Variants in PTPRN2 observed in about 807,000 individuals in gnomAD.
PTPRN2 encodes receptor-type tyrosine-protein phosphatase N2.
A neutral mutation model predicts 118.8 loss-of-function variants in PTPRN2; 74 were observed. That is an observed-to-expected ratio of 0.62 (90% CI 0.52 to 0.76). The LOEUF is 0.76. Ranked by LOEUF, PTPRN2 falls within the 30% of genes least tolerant of loss-of-function variation. The pLI is 0.00. For missense variants in PTPRN2, 1,481 were observed against 1,394.4 expected (o/e 1.06, Z -0.99); for synonymous variants, 641 against 608.0 (o/e 1.05, Z -0.80).
intron 3 of PTPRN2, among the ~76,000 whole-genome samples, chr7:158,311,150 C>T (rs1353099375): frequency 6.6e-6 from 1 of 152,212 alleles, no homozygotes; most frequent in Non-Finnish European, 1.5e-5. Flanking sequence ...CTGACCTGTG[C>T]CGGCAAGCAC....
intron 15 of PTPRN2, among the ~76,000 whole-genome samples, chr7:157,607,542 G>A (rs1348222758): frequency 3.3e-5 from 5 of 152,236 alleles, no homozygotes; most frequent in Admixed American, 3.3e-4. Flanking sequence ...GGAGCCCTCA[G>A]GCTTTTGACC....
rs527515874 is a variant in PTPRN2 at position 157,657,140 on chromosome 7, CCA to C, written c.2002-591_2002-590del. 2.5e-3 allele frequency among the ~76,000 whole-genome samples: 293 copies of C among 117,562 alleles called. 11 individuals are homozygous for C. The highest frequency in any genetic ancestry group is 6.3e-3 in the Middle Eastern group (1 of 158). The allele number at this position is 117,562 out of a possible 152,430, so 77.1% of individuals were successfully genotyped here. A position where few individuals can be genotyped will look rare whatever the true frequency, so the allele number is the denominator to read the frequency against. On this transcript the variant is annotated intron_variant, in intron 13 of 22. Transcript: ENST00000389418. ...CATCACACATATACACACACATACG[CCA>C]CACACACACACCACACACATCACAT...
At chr7:157,768,580 A>G (rs1396431010) in intron 12 of PTPRN2, among the ~76,000 whole-genome samples, 1 of 152,166 alleles carries the variant, frequency 6.6e-6, no homozygotes, top group East Asian at 1.9e-4. Context: ...GGGGGCTGCG[A>G]CGCCCCAGCC....
At chr7:158,344,922 C>A (rs183020602) in intron 2 of PTPRN2, among the ~76,000 whole-genome samples, 1 of 152,166 alleles carries the variant, frequency 6.6e-6, no homozygotes, top group Non-Finnish European at 1.5e-5. Flanking sequence ...AGGTGAGAAC[C>A]CAGAAGCTGA....
intron 21 of PTPRN2, among the ~76,000 whole-genome samples, chr7:157,559,756 A>C (rs1799084561): frequency 6.6e-6 from 1 of 152,108 alleles, no homozygotes; most frequent in South Asian, 2.1e-4. Flanking sequence ...TTGAACAGAA[A>C]CATGTGGACT....
At chr7:158,346,185 G>C (rs958401797) in intron 2 of PTPRN2, among the ~76,000 whole-genome samples, 1 of 152,186 alleles carries the variant, frequency 6.6e-6, no homozygotes, top group Non-Finnish European at 1.5e-5. Context: ...TGTTCTCTCA[G>C]CAGTTTTGAG....
In PTPRN2 at chr7:158,135,870, C is replaced by G. The variant is rs567854944; in HGVS notation, c.1173+785G>C. 5.3e-5 allele frequency among the ~76,000 whole-genome samples: 8 copies of G among 152,342 alleles called. No individual in the cohort carries two copies. The East Asian group carries it at 1.4e-3, about 26-fold the overall frequency. ...ACCAAAGACTCTTCTTTCTCCACCC[C>G]CAAAACTGGGTTTCCCAGAACCATG... is the stretch of plus-strand genomic sequence containing the variant. On this transcript the variant is annotated intron_variant, in intron 8 of 22. Coordinates refer to ENST00000389418, the MANE Select transcript of PTPRN2 (RefSeq NM_002847.5).
chr7:158,345,374 G>A (rs1270986438), intron 2 of PTPRN2, among the ~76,000 whole-genome samples: 1 of 152,238 alleles, frequency 6.6e-6, no homozygotes. Context: ...TCTGGAGACA[G>A]CGTGTTCTTA....
intron 12 of PTPRN2, among the ~76,000 whole-genome samples, chr7:157,822,405 A>G (rs1806902290): frequency 6.6e-6 from 1 of 151,270 alleles, no homozygotes; most frequent in South Asian, 2.1e-4. Flanking sequence ...TATACTATCC[A>G]TTAACTATCC....
Position 158,171,793 on chromosome 7 carries a change from T to C in PTPRN2, c.550-4502A>G, listed in dbSNP as rs147892625. 3.9e-4 allele frequency among the ~76,000 whole-genome samples: 60 copies of C among 152,350 alleles called. No individual in the cohort carries two copies. In the East Asian group the frequency reaches 0.011, roughly 27 times the overall value. On this transcript the variant is annotated intron_variant, in intron 5 of 22. Transcript: ENST00000389418. ...TCAAACCCCCTGTTGTGAAGATGTT[T>C]TCAGTCTCAGTTCAACATACCAATG...
At position 157,550,008 on chromosome 7, in the gene PTPRN2, G is replaced by A. The variant is rs747045062; in HGVS notation, c.2903-989C>T. 1.3e-5 allele frequency among the ~76,000 whole-genome samples: 2 copies of A among 152,218 alleles called. No individual in the cohort carries two copies. Among genetic ancestry groups the A allele is most frequent in the Non-Finnish European group, 2.9e-5 (2 of 68,032 alleles). ...AAGCCACAGACAGGAAGAAGCCGCAGCCATTGGAACCCCAACTACCGTGGG... is the reference window on the plus strand; with the variant it reads ...AAGCCACAGACAGGAAGAAGCCGCAACCATTGGAACCCCAACTACCGTGGG... On this transcript the variant is annotated intron_variant, in intron 21 of 22. Coordinates refer to ENST00000389418, the MANE Select transcript of PTPRN2 (RefSeq NM_002847.5). The surrounding 1 kb of genome is among the most constrained non-coding windows in gnomAD (Gnocchi z 5.2).
intron 12 of PTPRN2, among the ~76,000 whole-genome samples, chr7:157,691,075 C>CG (rs917300090): frequency 3.4e-5 from 4 of 117,858 alleles, no homozygotes; most frequent in Non-Finnish European, 4.0e-5. Context: ...TGTCCCCCCC[C>CG]CCCCCCACAT....
chr7:157,631,831 CAAAAA>C (rs564048764), intron 14 of PTPRN2, among the ~76,000 whole-genome samples: 2 of 72,438 alleles, frequency 2.8e-5, no homozygotes, highest in Admixed American at 1.6e-4. Flanking sequence ...GACTCCGTCT[CAAAAA>C]AAAAAAAAAA....
At chr7:157,716,247 CG>C in intron 12 of PTPRN2, among the ~76,000 whole-genome samples, 1 of 106,760 alleles carries the variant, frequency 9.4e-6, no homozygotes, top group African/African-American at 3.2e-5. Flanking sequence ...GCCATGGCCA[CG>C]AAGACTCTGC....
At position 157,540,664 on chromosome 7, in the gene PTPRN2, T is replaced by G; in HGVS notation, c.*50A>C. 1 of 1,430,566 alleles carries G rather than the reference T, an allele frequency of 7.0e-7. No individual in the cohort carries two copies. Among genetic ancestry groups the G allele is most frequent in the South Asian group, 1.2e-5 (1 of 80,914 alleles). 88.6% of individuals were successfully genotyped at this position (1,430,566 alleles called of 1,614,324 possible). A position where few individuals can be genotyped will look rare whatever the true frequency, so the allele number is the denominator to read the frequency against. On this transcript the variant is annotated 3_prime_UTR_variant, in exon 23 of 23. Transcript: ENST00000389418. ...ACAATTAAAGTCAGATCATGATTCC[T>G]GACAACATCCGTGGGGTGGGGGCTC...
intron 5 of PTPRN2, among the ~76,000 whole-genome samples, chr7:158,178,993 T>C (rs1824464440): frequency 6.6e-6 from 1 of 152,260 alleles, no homozygotes; most frequent in African/African-American, 2.4e-5. Context: ...CTTTTTGATA[T>C]ATTGATTTCT....
At chr7:158,385,814 T>C (rs1349997724) in intron 2 of PTPRN2, among the ~76,000 whole-genome samples, 1 of 152,124 alleles carries the variant, frequency 6.6e-6, no homozygotes. Context: ...GTGAACACCA[T>C]GGATTTCATC....
chr7:157,800,728 G>A (rs1394924226), intron 12 of PTPRN2, among the ~76,000 whole-genome samples: 6 of 151,854 alleles, frequency 4.0e-5, no homozygotes, highest in Non-Finnish European at 8.8e-5. Context: ...CGAGGCGGGC[G>A]GATCACGAGG....
intron 2 of PTPRN2, among the ~76,000 whole-genome samples, chr7:158,396,694 T>A (rs544717449): frequency 6.6e-6 from 1 of 152,218 alleles, no homozygotes; most frequent in Admixed American, 6.5e-5. Context: ...GTGTGCATGT[T>A]TGTGTGTGCA....
Sources: allele counts gnomAD v4.1 joint callset (sites outside exome capture counted in the v4.1 genomes callset), GRCh38; gene constraint gnomAD v4.1.1; non-coding constraint Gnocchi (gnomAD v3.1); transcripts MANE v1.5; gene names NCBI Gene and HGNC (gene_info 2026-07-23, HGNC 2026-07-21).